LHX8: variants seen among roughly 807,000 people sequenced by gnomAD.
LHX8 encodes the protein LIM homeobox 8, also known as LIM/homeobox protein Lhx8.
In LHX8, 12 loss-of-function variants were observed where a neutral mutation model predicts 40.3. The ratio of observed to expected loss-of-function variants is 0.30; its 90% CI spans 0.19 to 0.48. LHX8 has a LOEUF of 0.48. Among genes scored for constraint, LHX8 ranks in the 20% least tolerant of loss-of-function variants. The pLI, the probability that LHX8 is intolerant of heterozygous loss-of-function variation, is 0.99. For synonymous variants in LHX8, 179 were observed against 162.0 expected (o/e 1.10, Z -0.80); for missense variants, 344 against 433.7 (o/e 0.79, Z 1.84).
chr1:75,157,883 GC>G (rs2100363134), intron 8 of LHX8, among the ~76,000 whole-genome samples: 1 of 152,194 alleles, frequency 6.6e-6, no homozygotes, highest in Non-Finnish European at 1.5e-5. Flanking sequence ...TATTGTACAT[GC>G]TTTTTGTGCA....
At chr1:75,196,382 GGT>G in the LHX8 span, among the ~76,000 whole-genome samples, 1 of 152,076 alleles carries the variant, frequency 6.6e-6, no homozygotes, top group African/African-American at 2.4e-5. Context: ...GGGCCAACTG[GGT>G]GGTACTGGCA....
chr1:75,161,737 A>G (rs566823645), downstream of LHX8, among the ~76,000 whole-genome samples: 1 of 152,174 alleles, frequency 6.6e-6, no homozygotes, highest in Admixed American at 6.6e-5. Context: ...TAATAAAATC[A>G]ATGTGAAAGA....
chr1:75,130,922 A>G (rs1647944276), upstream of LHX8: 1 of 669,638 alleles, frequency 1.5e-6, no homozygotes. Context: ...GGAGTCGCCA[A>G]CCAGAATTCT....
chr1:75,180,781 T>C, the LHX8 span, among the ~76,000 whole-genome samples: 1 of 152,226 alleles, frequency 6.6e-6, no homozygotes, highest in Admixed American at 6.5e-5. Flanking sequence ...CTCTGGTTTT[T>C]AGAATTTTCA....
chr1:75,156,828 G>C, intron 7 of LHX8, 65 bp from the exon 8 acceptor site: 1 of 1,465,798 alleles, frequency 6.8e-7, no homozygotes, highest in Non-Finnish European at 9.6e-7. Flanking sequence ...TTTTAACTGA[G>C]TTGATAATGT....
the LHX8 span, among the ~76,000 whole-genome samples, chr1:75,176,073 G>A: frequency 2.6e-5 from 4 of 152,170 alleles, no homozygotes; most frequent in African/African-American, 9.7e-5. Flanking sequence ...GTCTAACATT[G>A]CTGGACATTT....
At chr1:75,160,770 T>C in intron 8 of LHX8, 49 bp from the exon 9 acceptor site, 3 of 1,254,918 alleles carry the variant, frequency 2.4e-6, no homozygotes, top group Non-Finnish European at 1.2e-6. Flanking sequence ...TATAAATCAG[T>C]TTTATGCACC....
chr1:75,182,676 C>T, the LHX8 span, among the ~76,000 whole-genome samples: 4 of 152,162 alleles, frequency 2.6e-5, no homozygotes, highest in South Asian at 4.1e-4. Context: ...CTCCGCCTTA[C>T]ATGCCTATTT....
intron 7 of LHX8, among the ~76,000 whole-genome samples, chr1:75,156,607 A>G (rs1648775379): frequency 6.6e-6 from 1 of 152,194 alleles, no homozygotes; most frequent in Non-Finnish European, 1.5e-5. Flanking sequence ...CTCAAATTCA[A>G]CAAACCAAAA....
chr1:75,134,019 T>C (rs1329475177), upstream of LHX8, among the ~76,000 whole-genome samples: 1 of 152,016 alleles, frequency 6.6e-6, no homozygotes, highest in African/African-American at 2.4e-5. Context: ...ACTAAAACTT[T>C]CAAGTCACCC....
At chr1:75,148,118 T>C (rs182116334) in intron 6 of LHX8, among the ~76,000 whole-genome samples, 28 of 152,342 alleles carry the variant, frequency 1.8e-4, no homozygotes, top group African/African-American at 6.5e-4. Flanking sequence ...ATGGAGTTGT[T>C]ACAATTAAGT....
At chr1:75,156,826 GA>G in intron 7 of LHX8, 66 bp from the exon 8 acceptor site, 1 of 1,441,628 alleles carries the variant, frequency 6.9e-7, no homozygotes, top group Non-Finnish European at 9.8e-7. Flanking sequence ...TTTTTTAACT[GA>G]GTTGATAATG....
At chr1:75,158,396 T>G (rs1648826677) in intron 8 of LHX8, among the ~76,000 whole-genome samples, 1 of 152,226 alleles carries the variant, frequency 6.6e-6, no homozygotes, top group African/African-American at 2.4e-5. Context: ...AATTTTAATG[T>G]AGTTTATTTC....
chr1:75,149,129 G>A (rs1483253694), intron 7 of LHX8, among the ~76,000 whole-genome samples: 1 of 152,160 alleles, frequency 6.6e-6, no homozygotes, highest in African/African-American at 2.4e-5. Flanking sequence ...TTGCTCTAAG[G>A]TCAGTGTTTT....
At chr1:75,133,690 C>A (rs1648032651), upstream of LHX8, among the ~76,000 whole-genome samples, 1 of 152,108 alleles carries the variant, frequency 6.6e-6, no homozygotes, top group South Asian at 2.1e-4. Context: ...AATTAAGGTA[C>A]CCTGAATACC....
chr1:75,178,616 A>G, the LHX8 span, among the ~76,000 whole-genome samples: 1 of 152,250 alleles, frequency 6.6e-6, no homozygotes, highest in African/African-American at 2.4e-5. Flanking sequence ...TCTTTTCAAA[A>G]AAACCAGCTC....
At chr1:75,166,879 A>G in the LHX8 span, among the ~76,000 whole-genome samples, 1 of 152,234 alleles carries the variant, frequency 6.6e-6, no homozygotes. Context: ...CTGTTAGGAT[A>G]GAATGAGGGC....
At chr1:75,147,795 A>C (rs1648501618) in intron 6 of LHX8, among the ~76,000 whole-genome samples, 2 of 152,204 alleles carry the variant, frequency 1.3e-5, no homozygotes, top group Admixed American at 6.5e-5. Context: ...AAGAATTCAA[A>C]GTTTTTGGCT....
intron 7 of LHX8, 114 bp from the exon 8 acceptor site, chr1:75,156,779 C>T (rs1241688780): frequency 2.4e-5 from 22 of 915,002 alleles, no homozygotes; most frequent in East Asian, 1.7e-4. Context: ...TACATTTATG[C>T]GGTGCTTGTG....
Sources: gnomAD v4.1 joint callset for allele counts (sites outside exome capture counted in the v4.1 genomes callset) on GRCh38, gnomAD v4.1.1 for gene constraint, MANE v1.5 for transcripts, NCBI Gene and HGNC (gene_info 2026-07-23, HGNC 2026-07-21) for gene names.